The following RASA3 variants were observed in gnomAD, a reference collection of about 807,000 sequenced individuals.
The protein encoded by RASA3 is RAS p21 protein activator 3.
RASA3 carries 73 observed loss-of-function variants against 110.0 expected under a neutral mutation model. That is an observed-to-expected ratio of 0.66 (90% confidence interval 0.55 to 0.81). RASA3 has a LOEUF of 0.81. RASA3 is among the 30% of genes least tolerant of loss of function. The pLI is 0.00. For synonymous variants in RASA3, 500 were observed against 451.4 expected, an observed-to-expected ratio of 1.11 and a Z score of -1.37; for missense variants, 976 against 1,113.2, an observed-to-expected ratio of 0.88 and a Z score of 1.75.
rs2053784256 is a variant in RASA3 at position 114,016,082 on chromosome 13, G to A, written c.1281+115C>T. The A allele has an allele frequency of 4.5e-6, 4 of 884,250 alleles. No homozygotes were observed. The South Asian group carries it at 5.6e-5, about 12-fold the overall frequency. The allele number at this position is 884,250 out of a possible 1,614,324, so 54.8% of individuals were successfully genotyped here. A position where few individuals can be genotyped will look rare whatever the true frequency, so the allele number is the denominator to read the frequency against. ...GGGTGAGGCGGGTATCCCCACGCCT[G>A]GTCCTGCTCCCACCCCAACCGGGGT... On this transcript the variant is annotated intron_variant, in intron 13 of 23. Coordinates refer to ENST00000334062, the MANE Select transcript of RASA3 (RefSeq NM_007368.4).
chr13:114,082,290 G>A (rs1042928613), intron 1 of RASA3, among the ~76,000 whole-genome samples: 2 of 152,372 alleles, frequency 1.3e-5, no homozygotes, highest in Admixed American at 6.5e-5. Flanking sequence ...GTCTGCAGGT[G>A]CCCTGGTTTG....
intron 1 of RASA3, among the ~76,000 whole-genome samples, chr13:114,128,613 C>T (rs1418200716): frequency 6.6e-6 from 1 of 152,242 alleles, no homozygotes; most frequent in Non-Finnish European, 1.5e-5. Context: ...GGCTGGAGGC[C>T]GGCAGCCCCT....
intron 4 of RASA3, among the ~76,000 whole-genome samples, chr13:114,034,441 A>C (rs528189334): frequency 6.6e-6 from 1 of 152,092 alleles, no homozygotes; most frequent in African/African-American, 2.4e-5. Flanking sequence ...GGCCCCTGGC[A>C]GCAGGCTGTG....
At chr13:113,996,503 C>G in intron 21 of RASA3, 28 bp downstream of exon 21, 7 of 1,599,078 alleles carry the variant, frequency 4.4e-6, no homozygotes, top group Non-Finnish European at 6.0e-6. Context: ...GCACAGTGCA[C>G]GAGCTGGGCA....
chr13:114,108,747 G>C (rs1247189835), intron 1 of RASA3: 2 of 152,086 alleles, frequency 1.3e-5, no homozygotes, highest in Admixed American at 1.3e-4. Flanking sequence ...TTGCTCTCCA[G>C]GAGTTCTTCT....
At position 114,114,596 on chromosome 13, in the gene RASA3, T is replaced by G. The variant is rs2080255344; in HGVS notation, c.55+17839A>C. On this transcript the variant is annotated intron_variant, in intron 1 of 23. Coordinates refer to ENST00000334062, the MANE Select transcript of RASA3 (RefSeq NM_007368.4). This position sits in a 1 kb window ranked among gnomAD's most constrained non-coding sequence, Gnocchi z 4.8. ...ATAACAGCATATTCTCGTCTGGTCT[T>G]TAAACCACACAGGCCAAAATGAGTT... Among the ~76,000 whole-genome samples the G allele has an allele frequency of 6.6e-6, 1 of 152,230 alleles. No individual in the cohort carries two copies. Among genetic ancestry groups the G allele is most frequent in the Non-Finnish European group, 1.5e-5 (1 of 68,034 alleles).
intron 3 of RASA3, among the ~76,000 whole-genome samples, chr13:114,045,395 AGGAGGAGCCAGGGGTCT>A (rs1341222732): frequency 1.3e-5 from 2 of 152,220 alleles, no homozygotes; most frequent in Non-Finnish European, 2.9e-5. Flanking sequence ...CCGTTCAGAA[AGGAGGAGCCAGGGGTCT>A]GGAGGGCATC....
chr13:114,049,734 C>T (rs2079112116), intron 3 of RASA3, among the ~76,000 whole-genome samples: 1 of 152,266 alleles, frequency 6.6e-6, no homozygotes, highest in African/African-American at 2.4e-5. Flanking sequence ...GGATTCCATG[C>T]CTCCCTTTCT....
At chr13:114,028,673 A>G (rs1447728496) in intron 5 of RASA3, among the ~76,000 whole-genome samples, 46 of 104,898 alleles carry the variant, frequency 4.4e-4, no homozygotes, top group South Asian at 1.5e-3. Context: ...CCTCTAAAAC[A>G]GTGTCATCCT....
intron 21 of RASA3, 147 bp downstream of exon 21, chr13:113,996,384 T>C: frequency 2.5e-6 from 2 of 805,138 alleles, no homozygotes; most frequent in Non-Finnish European, 1.9e-6. Flanking sequence ...ACCCCTCGGG[T>C]GGGAGGCTCC....
At chr13:114,067,126 G>A (rs2079468877) in intron 2 of RASA3, among the ~76,000 whole-genome samples, 1 of 150,886 alleles carries the variant, frequency 6.6e-6, no homozygotes. Context: ...CTGGGGCTGA[G>A]GACGGGCCCC....
At chr13:114,053,784 A>G (rs1176861589) in intron 2 of RASA3, among the ~76,000 whole-genome samples, 1 of 152,276 alleles carries the variant, frequency 6.6e-6, no homozygotes, top group Non-Finnish European at 1.5e-5. Context: ...ATCAAACTTC[A>G]TCAAAATTAA....
In RASA3 at chr13:114,065,920, G is replaced by A. The variant is rs540275116; in HGVS notation, c.173+7800C>T. On this transcript the variant is annotated intron_variant, in intron 2 of 23. Coordinates refer to ENST00000334062, the MANE Select transcript of RASA3 (RefSeq NM_007368.4). This position sits in a 1 kb window ranked among gnomAD's most constrained non-coding sequence, Gnocchi z 4.1. ...AAACGGAACCCAAAGACTCAGTGAG[G>A]AAAGCAGGCGGGCTGGGCTGAGACT... is the stretch of plus-strand genomic sequence containing the variant. Among the ~76,000 whole-genome samples, 2 of 152,322 alleles carry A rather than the reference G, an allele frequency of 1.3e-5. No individual in the cohort carries two copies. Among genetic ancestry groups the A allele is most frequent in the Non-Finnish European group, 2.9e-5 (2 of 68,020 alleles).
In RASA3 at chr13:113,996,596, C is replaced by T; in HGVS notation, c.2076G>A (p.Leu692=). The change falls in exon 21 of 24, where the codon CTG becomes CTA. Residue 692 remains leucine (L), a synonymous_variant. Coordinates refer to ENST00000334062, the MANE Select transcript of RASA3 (RefSeq NM_007368.4). ...CCCTACAGCACAGCCAGTGGCCGCT[C>T]AGGTAGGCGGACGGGTGGTAGACGG... is the stretch of plus-strand genomic sequence containing the variant. ...RLTVYHPSAY[L]SGHWLCCRAP... is the part of the protein sequence containing the mutation. 4 of 1,613,610 alleles carry T rather than the reference C, an allele frequency of 2.5e-6. No individual in the cohort carries two copies. Among genetic ancestry groups the T allele is most frequent in the Non-Finnish European group, 3.4e-6 (4 of 1,180,028 alleles).
intron 1 of RASA3, among the ~76,000 whole-genome samples, chr13:114,110,811 G>A (rs1157032792): frequency 6.6e-6 from 1 of 152,200 alleles, no homozygotes; most frequent in African/African-American, 2.4e-5. Flanking sequence ...ACACCGGCAG[G>A]TTTGACACCA....
intron 1 of RASA3, among the ~76,000 whole-genome samples, chr13:114,113,638 G>C (rs2080245114): frequency 7.2e-6 from 1 of 138,456 alleles, no homozygotes; most frequent in Non-Finnish European, 1.6e-5. Flanking sequence ...TGTCCGTACA[G>C]CTCACACCGC....
In RASA3 at chr13:114,029,951, C is replaced by T. The variant is rs561033489; in HGVS notation, c.373-64G>A. 8.5e-5 allele frequency: 124 copies of T among 1,457,318 alleles called. No individual in the cohort carries two copies. The East Asian group carries it at 1.5e-3, about 18-fold the overall frequency. The allele number at this position is 1,457,318 out of a possible 1,614,324, so 90.3% of individuals were successfully genotyped here. A position where few individuals can be genotyped will look rare whatever the true frequency, so the allele number is the denominator to read the frequency against. ...CTGCTCCCACAGGCCACTAGGGCCG[C>T]GCGCCCAGGGAAAGCCTAGAGGGCA... On this transcript the variant is annotated intron_variant, in intron 4 of 23. Transcript: ENST00000334062.
Position 113,992,500 on chromosome 13 carries a change from G to A in RASA3, c.2230C>T (p.Leu744=). The A allele has an allele frequency of 6.2e-7, 1 of 1,613,020 alleles. No homozygotes were observed. Among genetic ancestry groups the A allele is most frequent in the Non-Finnish European group, 8.5e-7 (1 of 1,179,608 alleles). Residue 744 remains leucine, a synonymous_variant, in exon 22 of 24, where the codon CTG becomes TTG. Transcript: ENST00000334062. ...YSLFNLYMSK[L]EKMQEACGSK... ...GCAGACTCACCCTGCATCTTCTCCA[G>A]CTTGCTCATGTACAAGTTGAAGAGG...
intron 21 of RASA3, among the ~76,000 whole-genome samples, chr13:113,995,906 A>G (rs1227302273): frequency 2.6e-3 from 24 of 9,144 alleles, no homozygotes; most frequent in South Asian, 5.4e-3. Context: ...CTGATGGGGG[A>G]CCCGGCTGAT....
Sources: allele counts gnomAD v4.1 joint callset (sites outside exome capture counted in the v4.1 genomes callset), GRCh38; gene constraint gnomAD v4.1.1; non-coding constraint Gnocchi (gnomAD v3.1); transcripts MANE v1.5; gene names NCBI Gene and HGNC (gene_info 2026-07-23, HGNC 2026-07-21).